Variants in DRAM1 observed in about 807,000 individuals in gnomAD.
DRAM1 encodes DNA damage-regulated autophagy modulator protein 1.
Under a neutral mutation model 28.5 loss-of-function variants are expected in DRAM1, and 25 were observed. That is an observed-to-expected ratio of 0.88 (90% CI 0.64 to 1.23). DRAM1 has a LOEUF of 1.23. Among genes scored for constraint, DRAM1 ranks in the 50% most tolerant of loss-of-function variants. The pLI, the probability that DRAM1 is intolerant of heterozygous loss-of-function variation, is 0.00. For synonymous variants in DRAM1, 113 were observed against 114.2 expected, an observed-to-expected ratio of 0.99 and a Z score of 0.07; for missense variants, 249 against 299.2, an observed-to-expected ratio of 0.83 and a Z score of 1.24.
chr12:101,915,627 C>G (rs1447795249), intron 5 of DRAM1, among the ~76,000 whole-genome samples: 1 of 151,872 alleles, frequency 6.6e-6, no homozygotes, highest in Non-Finnish European at 1.5e-5. Flanking sequence ...ACTGCAACCT[C>G]TGCCTCTCAG....
chr12:101,903,926 TACACACACACACACACACACACAC>T (rs775764624), intron 3 of DRAM1, among the ~76,000 whole-genome samples: 17 of 136,016 alleles, frequency 1.2e-4, no homozygotes, highest in Admixed American at 1.0e-3. Flanking sequence ...CACACACACA[TACACACACACACACACACACACAC>T]ACACACACAC....
At chr12:101,893,192 A>G (rs1012078394) in intron 1 of DRAM1, among the ~76,000 whole-genome samples, 1 of 152,334 alleles carries the variant, frequency 6.6e-6, no homozygotes, top group African/African-American at 2.4e-5. Context: ...TCTTCTCATC[A>G]CCATGCTGGT....
At chr12:101,917,694 CAAAAA>C (rs34726299) in intron 5 of DRAM1, among the ~76,000 whole-genome samples, 1 of 107,746 alleles carries the variant, frequency 9.3e-6, no homozygotes. Context: ...GACTCCATCT[CAAAAA>C]AAAAAAAAAA....
chr12:101,920,655 T>A (rs1050185187), intron 6 of DRAM1, among the ~76,000 whole-genome samples: 3 of 152,230 alleles, frequency 2.0e-5, no homozygotes, highest in Non-Finnish European at 2.9e-5. Flanking sequence ...TTCACATCTG[T>A]AATCCCAGCA....
chr12:101,901,473 G>T, intron 3 of DRAM1, 40 bp downstream of exon 3: 1 of 1,608,162 alleles, frequency 6.2e-7, no homozygotes, highest in Non-Finnish European at 8.5e-7. Flanking sequence ...GAGTGGTGGA[G>T]TGTATGTGTC....
At chr12:101,888,587 C>T (rs1254859259) in intron 1 of DRAM1, among the ~76,000 whole-genome samples, 2 of 152,088 alleles carry the variant, frequency 1.3e-5, no homozygotes, top group East Asian at 3.8e-4. Context: ...GAGTGTTGTT[C>T]AGCCTGAGTC....
intron 3 of DRAM1, among the ~76,000 whole-genome samples, chr12:101,904,102 T>C (rs1379748957): frequency 6.6e-6 from 1 of 152,104 alleles, no homozygotes; most frequent in Admixed American, 6.6e-5. Context: ...TTATCCCTGC[T>C]TCAGCCTCCC....
chr12:101,878,468 T>C (rs1872576549), intron 1 of DRAM1, among the ~76,000 whole-genome samples: 1 of 152,220 alleles, frequency 6.6e-6, no homozygotes, highest in Non-Finnish European at 1.5e-5. Flanking sequence ...AAAGCAACAC[T>C]GTGCTGCCCC....
In DRAM1 at chr12:101,923,159, G is replaced by A. The variant is rs1566135422; in HGVS notation, c.*1899G>A. 1 of 152,202 alleles carries A rather than the reference G, an allele frequency of 6.6e-6. No individual in the cohort carries two copies. Among genetic ancestry groups the A allele is most frequent in the Non-Finnish European group, 1.5e-5 (1 of 68,042 alleles). 9.4% of individuals were successfully genotyped at this position (152,202 alleles called of 1,614,324 possible). A position where few individuals can be genotyped will look rare whatever the true frequency, so the allele number is the denominator to read the frequency against. On this transcript the variant is annotated 3_prime_UTR_variant, in exon 7 of 7. Transcript: ENST00000258534. The stretch of plus-strand genomic sequence containing the variant: ...ATTTCTGGGTTCACTGCGACTCACT[G>A]TAGTGCTGGGGATCCCCCTTGTAAC...
chr12:101,879,083 C>T (rs1420334412), intron 1 of DRAM1, among the ~76,000 whole-genome samples: 6 of 152,076 alleles, frequency 3.9e-5, no homozygotes, highest in South Asian at 4.2e-4. Context: ...CAACCTCTGC[C>T]TCCCGGGTTC....
At chr12:101,908,705 G>T (rs1873918257) in intron 4 of DRAM1, among the ~76,000 whole-genome samples, 1 of 151,960 alleles carries the variant, frequency 6.6e-6, no homozygotes, top group African/African-American at 2.4e-5. Flanking sequence ...TATTGAGTGT[G>T]ATCAGATATG....
At chr12:101,889,503 A>AAAGG (rs1555281428) in intron 1 of DRAM1, among the ~76,000 whole-genome samples, 2,377 of 141,472 alleles carry the variant, frequency 0.017, 26 homozygotes, top group Middle Eastern at 0.029. Flanking sequence ...GTAAGGAAGG[A>AAAGG]AAGGAAGGAA....
rs1383394584 is a variant in DRAM1, at chr12:101,877,728, C to G, written c.-62C>G. 2.3e-6 allele frequency: 3 copies of G among 1,309,810 alleles called. No homozygotes were observed. The highest frequency in any genetic ancestry group is 2.9e-6 in the Non-Finnish European group (3 of 1,026,382). The allele number at this position is 1,309,810 out of a possible 1,614,324, so 81.1% of individuals were successfully genotyped here. ...GCCCGGCCGCCGCCTCCAGGCAGCC[C>G]GGAGCAACCCGGCGCCCGGCCCCGC... On this transcript the variant is annotated 5_prime_UTR_variant, in exon 1 of 7. Transcript: ENST00000258534. This position sits in a 1 kb window ranked among gnomAD's most constrained non-coding sequence, Gnocchi z 4.1.
Position 101,923,474 on chromosome 12 carries a change from G to A in DRAM1, c.*2214G>A, listed in dbSNP as rs893755287. On this transcript the variant is annotated 3_prime_UTR_variant, in exon 7 of 7. Coordinates refer to ENST00000258534, the MANE Select transcript of DRAM1 (RefSeq NM_018370.3). ...GAGTGCCTCCTGGTACACTGTAGGAGCTTAAGAAATACTCACTGAATGCAT... is the reference window on the plus strand; with the variant it reads ...GAGTGCCTCCTGGTACACTGTAGGAACTTAAGAAATACTCACTGAATGCAT... The A allele has an allele frequency of 6.6e-6, 1 of 152,180 alleles. No homozygotes were observed. Among genetic ancestry groups the A allele is most frequent in the African/African-American group, 2.4e-5 (1 of 41,450 alleles). 9.4% of individuals were successfully genotyped at this position (152,180 alleles called of 1,614,324 possible).
chr12:101,918,783 C>T (rs1482942085), intron 5 of DRAM1, among the ~76,000 whole-genome samples: 2 of 152,062 alleles, frequency 1.3e-5, no homozygotes, highest in East Asian at 1.9e-4. Flanking sequence ...GGTAGTTGCT[C>T]ATTTCAGCAG....
At chr12:101,899,912 T>C (rs1202817863) in intron 2 of DRAM1, among the ~76,000 whole-genome samples, 2 of 152,248 alleles carry the variant, frequency 1.3e-5, no homozygotes, top group African/African-American at 4.8e-5. Flanking sequence ...AATGTTGAAG[T>C]GAACATCTTT....
At chr12:101,909,051 T>C (rs1403715492) in intron 4 of DRAM1, among the ~76,000 whole-genome samples, 3 of 151,700 alleles carry the variant, frequency 2.0e-5, no homozygotes. Flanking sequence ...CACCTGAGGT[T>C]GAGAGTTCAA....
Position 101,897,931 on chromosome 12 carries a change from G to C in DRAM1, c.199+1G>C, listed in dbSNP as rs776094853. 1 of 1,558,590 alleles carries C rather than the reference G, an allele frequency of 6.4e-7. No homozygotes were observed. Among genetic ancestry groups the C allele is most frequent in the Non-Finnish European group, 8.8e-7 (1 of 1,130,444 alleles). Reference sequence around the variant, plus strand: ...ATGATAAACTTCTCTGCATTTCTTGGTAAGTACACAATAATTATTATAAAT... The same window carrying C: ...ATGATAAACTTCTCTGCATTTCTTGCTAAGTACACAATAATTATTATAAAT... On this transcript the variant is annotated splice_donor_variant, in intron 2 of 6. Coordinates refer to ENST00000258534, the MANE Select transcript of DRAM1 (RefSeq NM_018370.3). LOFTEE classifies it high-confidence loss of function.
At position 101,877,944 on chromosome 12, in the gene DRAM1, G is replaced by A. The variant is rs112252898; in HGVS notation, c.131+24G>A. ...AGGTGAGTGGCAGGGTGGGCGTCAG[G>A]GCCCCAGGAGCAGGCACAGGGACCA... On this transcript the variant is annotated intron_variant, in intron 1 of 6. Transcript: ENST00000258534. The surrounding 1 kb of genome is among the most constrained non-coding windows in gnomAD (Gnocchi z 4.1). The A allele has an allele frequency of 1.2e-3, 1,731 of 1,498,888 alleles. 14 individuals carry two copies. In the African/African-American group the frequency reaches 0.022, roughly 19 times the overall value. 92.8% of individuals were successfully genotyped at this position (1,498,888 alleles called of 1,614,324 possible).
Sources: allele counts gnomAD v4.1 joint callset (sites outside exome capture counted in the v4.1 genomes callset), GRCh38; gene constraint gnomAD v4.1.1; non-coding constraint Gnocchi (gnomAD v3.1); transcripts MANE v1.5; gene names NCBI Gene and HGNC (gene_info 2026-07-23, HGNC 2026-07-21).